The following MYO5A variants were observed in gnomAD, a reference collection of about 807,000 sequenced individuals.
MYO5A encodes the protein unconventional myosin-Va.
A neutral mutation model predicts 249.7 loss-of-function variants in MYO5A; 98 were observed. That is an observed-to-expected ratio of 0.39 (90% CI 0.33 to 0.46). MYO5A has a LOEUF of 0.46. Ranked by LOEUF, MYO5A falls within the 20% of genes least tolerant of loss-of-function variation. The probability of loss-of-function intolerance (pLI) is 0.98; values close to 1 mark genes in which losing one functional copy is unlikely to be tolerated. For synonymous variants in MYO5A, 778 were observed against 810.6 expected, an observed-to-expected ratio of 0.96 and a Z score of 0.68; for missense variants, 1,696 against 2,308.8, an observed-to-expected ratio of 0.73 and a Z score of 5.44.
chr15:52,430,606 A>C (rs2075506101), intron 2 of MYO5A, among the ~76,000 whole-genome samples: 1 of 152,134 alleles, frequency 6.6e-6, no homozygotes. Context: ...GGAATTTTAT[A>C]ATGTCTGTTC....
Position 52,331,933 on chromosome 15 carries a change from G to T in MYO5A, c.4409-1434C>A, listed in dbSNP as rs118188096. On this transcript the variant is annotated intron_variant, in intron 34 of 41. Coordinates refer to ENST00000399233, the MANE Select transcript of MYO5A (RefSeq NM_001382347.1). ...GCATGATCCAGTATGAAAGCCACGG[G>T]ACTAACTCTAAAGTATATTCTTCCA... The T allele has an allele frequency of 6.8e-6, 6 of 875,942 alleles. No homozygotes were observed. In the East Asian group the frequency reaches 6.0e-4, roughly 88 times the overall value. 54.3% of individuals were successfully genotyped at this position (875,942 alleles called of 1,614,324 possible).
chr15:52,397,617 T>C, intron 9 of MYO5A, 151 bp from the exon 10 acceptor site: 1 of 951,688 alleles, frequency 1.1e-6, no homozygotes, highest in Non-Finnish European at 1.6e-6. Context: ...GTGATAATAA[T>C]CACATTCATC....
At chr15:52,515,384 G>A (rs2077476259) in intron 1 of MYO5A, among the ~76,000 whole-genome samples, 2 of 152,092 alleles carry the variant, frequency 1.3e-5, no homozygotes, top group Non-Finnish European at 2.9e-5. Context: ...GGGGTGTGGG[G>A]GAAAGTAAAT....
intron 1 of MYO5A, among the ~76,000 whole-genome samples, chr15:52,435,390 C>T (rs2075640636): frequency 6.6e-6 from 1 of 151,422 alleles, no homozygotes; most frequent in Non-Finnish European, 1.5e-5. Context: ...GATTCTCCTG[C>T]CTCGGCCTCC....
chr15:52,427,426 T>C (rs1465635817), intron 3 of MYO5A, among the ~76,000 whole-genome samples: 2 of 151,464 alleles, frequency 1.3e-5, no homozygotes, highest in Non-Finnish European at 2.9e-5. Flanking sequence ...AGGCAAAAAA[T>C]AATGCAGGGA....
Position 52,433,617 on chromosome 15 carries a change from C to T in MYO5A, c.28-332G>A, listed in dbSNP as rs191591300. Among the ~76,000 whole-genome samples, 80 of 151,952 alleles carry T rather than the reference C, an allele frequency of 5.3e-4. 1 individual carries two copies. In the East Asian group the frequency reaches 7.4e-3, roughly 14 times the overall value. ...TTTGTTTTTAATAAAGATGGAGTTT[C>T]GCCATATTGGCCAAGCTGGTCTCCA... On this transcript the variant is annotated intron_variant, in intron 1 of 41. Transcript: ENST00000399233.
intron 1 of MYO5A, among the ~76,000 whole-genome samples, chr15:52,487,029 C>A (rs772957350): frequency 1.3e-5 from 2 of 152,144 alleles, no homozygotes; most frequent in Non-Finnish European, 2.9e-5. Context: ...ACAAGTTTTA[C>A]GTTGATACTA....
chr15:52,424,065 C>G (rs1195758813), intron 4 of MYO5A, among the ~76,000 whole-genome samples: 1 of 152,150 alleles, frequency 6.6e-6, no homozygotes, highest in Non-Finnish European at 1.5e-5. Context: ...TCAGGTTGTA[C>G]TAAGTGGTGT....
At chr15:52,392,168 TCAA>T (rs1198605124) in intron 11 of MYO5A, 98 bp from the exon 12 acceptor site, 34 of 1,221,608 alleles carry the variant, frequency 2.8e-5, no homozygotes, top group South Asian at 2.6e-4. Context: ...TCTGTGGCTT[TCAA>T]CAACAACAAC....
At chr15:52,448,692 T>C (rs1271210605) in intron 1 of MYO5A, among the ~76,000 whole-genome samples, 2 of 151,998 alleles carry the variant, frequency 1.3e-5, no homozygotes, top group African/African-American at 2.4e-5. Context: ...GGGGAGGATT[T>C]CTCCTTTAGT....
intron 37 of MYO5A, among the ~76,000 whole-genome samples, chr15:52,321,845 T>C (rs1003353188): frequency 2.7e-5 from 4 of 150,868 alleles, no homozygotes; most frequent in Non-Finnish European, 4.4e-5. Context: ...AAACAGCAGG[T>C]TTACTGTCAA....
At chr15:52,397,652 T>G (rs1030775964) in intron 9 of MYO5A, among the ~76,000 whole-genome samples, 186 bp from the exon 10 acceptor site, 1 of 152,218 alleles carries the variant, frequency 6.6e-6, no homozygotes, top group African/African-American at 2.4e-5. Context: ...CCAGGCAGCA[T>G]TTTGCAATCT....
At chr15:52,351,193 G>A in intron 28 of MYO5A, 61 bp downstream of exon 28, 4 of 1,255,268 alleles carry the variant, frequency 3.2e-6, no homozygotes, top group Non-Finnish European at 4.6e-6. Flanking sequence ...TGGAGGGAAG[G>A]GATAAGAAGA....
At chr15:52,483,217 T>C (rs1456976816) in intron 1 of MYO5A, among the ~76,000 whole-genome samples, 9 of 152,308 alleles carry the variant, frequency 5.9e-5, no homozygotes, top group African/African-American at 4.8e-5. Context: ...CACTTAAACA[T>C]TGCTACTTCT....
intron 30 of MYO5A, among the ~76,000 whole-genome samples, chr15:52,343,765 C>CT (rs1411101702): frequency 2.0e-5 from 3 of 152,062 alleles, no homozygotes; most frequent in Non-Finnish European, 4.4e-5. Flanking sequence ...TTTTTAAAAG[C>CT]TTTTTTGTGT....
Position 52,379,617 on chromosome 15 carries a change from A to G in MYO5A, c.2208+8T>C, listed in dbSNP as rs748803995. 4.7e-5 allele frequency: 75 copies of G among 1,611,404 alleles called. No individual in the cohort carries two copies. Among genetic ancestry groups the G allele is most frequent in the Admixed American group, 1.5e-4 (9 of 60,010 alleles). ...TGCTCAGATGACGGTAAGCGAAATCATTCTCACCAGTATCAGTTTCTCTAA... is the reference window on the plus strand; with the variant it reads ...TGCTCAGATGACGGTAAGCGAAATCGTTCTCACCAGTATCAGTTTCTCTAA... On this transcript the variant is annotated splice_region_variant and intron_variant, in intron 18 of 41. Coordinates refer to ENST00000399233, the MANE Select transcript of MYO5A (RefSeq NM_001382347.1).
At chr15:52,460,432 G>A (rs961239699) in intron 1 of MYO5A, among the ~76,000 whole-genome samples, 1 of 152,240 alleles carries the variant, frequency 6.6e-6, no homozygotes, top group Non-Finnish European at 1.5e-5. Context: ...ACCACTCGCC[G>A]TCAGGAGCTG....
intron 18 of MYO5A, among the ~76,000 whole-genome samples, chr15:52,378,596 G>A (rs540423666): frequency 1.7e-3 from 224 of 131,280 alleles, no homozygotes; most frequent in African/African-American, 5.8e-3. Context: ...TGCTGAGGAA[G>A]TGGCCTTAGC....
At chr15:52,450,850 T>TTTTTTTTG (rs2076004384) in intron 1 of MYO5A, among the ~76,000 whole-genome samples, 2 of 74,152 alleles carry the variant, frequency 2.7e-5, no homozygotes, top group South Asian at 1.6e-3. Context: ...GTGGTTTTTT[T>TTTTTTTTG]TTTTTTTTTT....
Sources: allele counts gnomAD v4.1 joint callset (sites outside exome capture counted in the v4.1 genomes callset), GRCh38; gene constraint gnomAD v4.1.1; transcripts MANE v1.5; gene names NCBI Gene and HGNC (gene_info 2026-07-23, HGNC 2026-07-21).